CATSPERB: variants seen among roughly 807,000 people sequenced by gnomAD.
The protein encoded by CATSPERB is catsper channel auxiliary subunit beta, also known as cation channel sperm-associated auxiliary subunit beta.
CATSPERB carries 93 observed loss-of-function variants against 128.3 expected under a neutral mutation model. The observed-to-expected ratio is 0.72, with a 90% CI of 0.61 to 0.86. The LOEUF is 0.86. Ranked by LOEUF, CATSPERB falls within the 40% of genes least tolerant of loss-of-function variation. The pLI is 0.00. For missense variants in CATSPERB, 1,153 were observed against 1,329.5 expected (o/e 0.87, Z 2.06); for synonymous variants, 381 against 448.8 (o/e 0.85, Z 1.91).
chr14:91,675,848 A>G (rs1405697894), intron 11 of CATSPERB, among the ~76,000 whole-genome samples: 1 of 152,120 alleles, frequency 6.6e-6, no homozygotes. Flanking sequence ...ACCCCAAAGT[A>G]CTTCTCAGAG....
At position 91,723,076 on chromosome 14, in the gene CATSPERB, A is replaced by AT. The variant is rs776324558; in HGVS notation, c.281dup (p.Asn94LysfsTer7). 51 of 1,515,166 alleles carry AT rather than the reference A, an allele frequency of 3.4e-5. No homozygotes were observed. The Admixed American group carries it at 1.1e-3, about 32-fold the overall frequency. 93.9% of individuals were successfully genotyped at this position (1,515,166 alleles called of 1,614,324 possible). On this transcript the variant is annotated frameshift_variant, in exon 4 of 27. Transcript: ENST00000256343. LOFTEE classifies it high-confidence loss of function. ...ACGTTAAATTAAAGTGGAAGATGCC[A>AT]TTATATGTACTATTCATGATTCCCA...
chr14:91,644,839 CA>C (rs1894567631), intron 15 of CATSPERB, among the ~76,000 whole-genome samples: 1 of 14,288 alleles, frequency 7.0e-5, no homozygotes. Context: ...CCATCACTTT[CA>C]GGTACACCAA....
At chr14:91,698,718 A>T (rs1332398976) in intron 7 of CATSPERB, among the ~76,000 whole-genome samples, 1 of 152,200 alleles carries the variant, frequency 6.6e-6, no homozygotes, top group African/African-American at 2.4e-5. Flanking sequence ...AAAAAATATC[A>T]ATAGCTTTTG....
At chr14:91,599,645 T>G (rs1893576455) in intron 22 of CATSPERB, among the ~76,000 whole-genome samples, 1 of 151,554 alleles carries the variant, frequency 6.6e-6, no homozygotes, top group Non-Finnish European at 1.5e-5. Flanking sequence ...CCCAAGGTGG[T>G]CAGGGCAAAG....
chr14:91,585,026 A>AT (rs869158783), intron 26 of CATSPERB, among the ~76,000 whole-genome samples: 18 of 138,878 alleles, frequency 1.3e-4, no homozygotes, highest in African/African-American at 3.2e-4. Flanking sequence ...TTTATTTTTT[A>AT]TTTTTTTTGA....
At chr14:91,587,950 A>C (rs1307196765) in intron 25 of CATSPERB, 28 bp downstream of exon 25, 1 of 1,408,338 alleles carries the variant, frequency 7.1e-7, no homozygotes, top group Admixed American at 1.7e-5. Flanking sequence ...TAAACTCAAC[A>C]CAGTAAAAAC....
intron 22 of CATSPERB, among the ~76,000 whole-genome samples, chr14:91,600,558 AGTT>A (rs1263520921): frequency 6.6e-6 from 1 of 152,270 alleles, no homozygotes; most frequent in Non-Finnish European, 1.5e-5. Context: ...GCAACCAAAC[AGTT>A]TTGCTCACGA....
At chr14:91,619,626 C>T (rs1484790828) in intron 19 of CATSPERB, among the ~76,000 whole-genome samples, 1 of 149,808 alleles carries the variant, frequency 6.7e-6, no homozygotes, top group Non-Finnish European at 1.5e-5. Flanking sequence ...TTTATGCATA[C>T]TCATTTGATA....
chr14:91,603,808 T>C (rs919748131), intron 22 of CATSPERB, among the ~76,000 whole-genome samples: 5 of 152,100 alleles, frequency 3.3e-5, no homozygotes, highest in Admixed American at 1.3e-4. Flanking sequence ...ACAGCACTAG[T>C]GGGATGGTGC....
At position 91,580,800 on chromosome 14, in the gene CATSPERB, G is replaced by A; in HGVS notation, c.*89C>T. On this transcript the variant is annotated 3_prime_UTR_variant, in exon 27 of 27. Coordinates refer to ENST00000256343, the MANE Select transcript of CATSPERB (RefSeq NM_024764.4). ...TAATGACAATTCTTTAGGATTTTATGTAGCTTGCATATTTAACATTTAAAT... is the reference window on the plus strand; with the variant it reads ...TAATGACAATTCTTTAGGATTTTATATAGCTTGCATATTTAACATTTAAAT... 8 of 955,810 alleles carry A rather than the reference G, an allele frequency of 8.4e-6. No homozygotes were observed. Among genetic ancestry groups the A allele is most frequent in the Non-Finnish European group, 1.3e-5 (8 of 630,826 alleles). The allele number at this position is 955,810 out of a possible 1,614,324, so 59.2% of individuals were successfully genotyped here.
At chr14:91,582,182 A>G (rs955902347) in intron 26 of CATSPERB, among the ~76,000 whole-genome samples, 1 of 152,170 alleles carries the variant, frequency 6.6e-6, no homozygotes, top group African/African-American at 2.4e-5. Context: ...TGCCAGATTT[A>G]TCTTTGTATA....
At chr14:91,715,526 T>C (rs1272119053) in intron 5 of CATSPERB, among the ~76,000 whole-genome samples, 4 of 125,570 alleles carry the variant, frequency 3.2e-5, no homozygotes, top group Non-Finnish European at 4.7e-5. Flanking sequence ...CACTCCAGCC[T>C]GGGCAATAAG....
chr14:91,662,207 T>C (rs1254779664), intron 14 of CATSPERB, among the ~76,000 whole-genome samples: 1 of 152,186 alleles, frequency 6.6e-6, no homozygotes, highest in Non-Finnish European at 1.5e-5. Context: ...TTTTGTGTTT[T>C]TTCATTCCCT....
intron 17 of CATSPERB, among the ~76,000 whole-genome samples, 167 bp from the exon 18 acceptor site, chr14:91,625,174 T>C (rs988826217): frequency 6.6e-6 from 1 of 152,326 alleles, no homozygotes; most frequent in East Asian, 1.9e-4. Flanking sequence ...ATTATAACAA[T>C]GGGATACAAT....
chr14:91,705,050 G>A (rs1245384833), intron 6 of CATSPERB, among the ~76,000 whole-genome samples: 1 of 152,048 alleles, frequency 6.6e-6, no homozygotes, highest in Non-Finnish European at 1.5e-5. Flanking sequence ...TAACTTCTGA[G>A]CCCACTCATT....
At chr14:91,585,280 G>T (rs937667590) in intron 26 of CATSPERB, among the ~76,000 whole-genome samples, 10 of 152,144 alleles carry the variant, frequency 6.6e-5, no homozygotes, top group African/African-American at 2.4e-4. Flanking sequence ...CTCCCAAAGT[G>T]CTGGGATTTT....
chr14:91,586,571 A>AAAGAAAGAGAGAG (rs1555358774), intron 26 of CATSPERB, among the ~76,000 whole-genome samples: 1 of 114,192 alleles, frequency 8.8e-6, no homozygotes, highest in Non-Finnish European at 1.7e-5. Flanking sequence ...GAGAGAGAGA[A>AAAGAAAGAGAGAG]AGAGAGAGAG....
At chr14:91,678,400 G>A (rs1276739726) in intron 11 of CATSPERB, among the ~76,000 whole-genome samples, 1 of 152,142 alleles carries the variant, frequency 6.6e-6, no homozygotes, top group Non-Finnish European at 1.5e-5. Flanking sequence ...TTTATAAAAT[G>A]ATGAGATTAT....
At chr14:91,723,290 G>A in intron 3 of CATSPERB, 101 bp from the exon 4 acceptor site, 1 of 780,510 alleles carries the variant, frequency 1.3e-6, no homozygotes, top group Non-Finnish European at 1.8e-6. Flanking sequence ...TCTCTAGTTA[G>A]GAAAAAATAT....
Sources: allele counts gnomAD v4.1 joint callset (sites outside exome capture counted in the v4.1 genomes callset), GRCh38; gene constraint gnomAD v4.1.1; transcripts MANE v1.5; gene names NCBI Gene and HGNC (gene_info 2026-07-23, HGNC 2026-07-21).